The following INVS variants were observed in gnomAD, a reference collection of about 807,000 sequenced individuals.
INVS encodes the protein inversin, also known as inversion of embryo turning homolog.
Under a neutral mutation model 108.8 loss-of-function variants are expected in INVS, and 86 were observed. That is an observed-to-expected ratio of 0.79 (90% confidence interval 0.66 to 0.95). INVS has a LOEUF of 0.95. Among genes scored for constraint, INVS ranks in the 40% least tolerant of loss-of-function variants. The probability of loss-of-function intolerance (pLI) is 0.00; values close to 1 mark genes in which losing one functional copy is unlikely to be tolerated. For synonymous variants in INVS, 455 were observed against 473.5 expected (o/e 0.96, Z 0.51); for missense variants, 1,169 against 1,297.4 (o/e 0.90, Z 1.52).
intron 3 of INVS, among the ~76,000 whole-genome samples, chr9:100,208,376 T>C (rs1355552303): frequency 1.3e-5 from 2 of 152,194 alleles, no homozygotes; most frequent in Non-Finnish European, 2.9e-5. Context: ...CTTTAATGCA[T>C]GGTCTGAATG....
intron 3 of INVS, among the ~76,000 whole-genome samples, chr9:100,157,050 G>A (rs940951460): frequency 1.3e-5 from 2 of 150,490 alleles, no homozygotes; most frequent in African/African-American, 4.9e-5. Context: ...TCATACAGTG[G>A]AATACTTTTT....
intron 13 of INVS, among the ~76,000 whole-genome samples, chr9:100,287,861 C>T (rs1362848504): frequency 6.6e-6 from 1 of 152,122 alleles, no homozygotes; most frequent in Admixed American, 6.5e-5. Flanking sequence ...ACCCCAAAAT[C>T]TCATCCTGAT....
intron 3 of INVS, among the ~76,000 whole-genome samples, chr9:100,216,324 T>A (rs1368574695): frequency 6.6e-6 from 1 of 151,940 alleles, no homozygotes; most frequent in Non-Finnish European, 1.5e-5. Flanking sequence ...GGCTAACTGG[T>A]CATTACCACT....
At chr9:100,153,972 A>T (rs1428368269) in intron 3 of INVS, among the ~76,000 whole-genome samples, 1 of 152,210 alleles carries the variant, frequency 6.6e-6, no homozygotes, top group Non-Finnish European at 1.5e-5. Context: ...AAACCATAGC[A>T]TTGGTATAAC....
intron 3 of INVS, among the ~76,000 whole-genome samples, chr9:100,196,570 G>A (rs991054697): frequency 1.3e-5 from 2 of 151,844 alleles, no homozygotes. Flanking sequence ...TTTCCATGCT[G>A]AGGGGGGCCC....
chr9:100,190,484 C>A (rs7018703), intron 3 of INVS, among the ~76,000 whole-genome samples: 29,365 of 152,062 alleles, frequency 0.19, 4,516 homozygotes, highest in African/African-American at 0.43. Flanking sequence ...TCAAGATGTT[C>A]TATTCTGGTG....
chr9:100,156,365 A>G (rs756432395), intron 3 of INVS, among the ~76,000 whole-genome samples: 5 of 150,250 alleles, frequency 3.3e-5, no homozygotes, highest in African/African-American at 1.2e-4. Context: ...GGTTCAAGCA[A>G]TTCTCCAGCC....
chr9:100,116,107 CT>C (rs200846946), intron 2 of INVS, among the ~76,000 whole-genome samples: 79,569 of 128,410 alleles, frequency 0.62, 24,134 homozygotes, highest in East Asian at 0.87. Context: ...TCTTTTTTTT[CT>C]TTTTTTTTTT....
intron 3 of INVS, among the ~76,000 whole-genome samples, chr9:100,128,425 G>A (rs1310964821): frequency 1.3e-5 from 2 of 152,090 alleles, no homozygotes; most frequent in African/African-American, 2.4e-5. Flanking sequence ...TAATGGATCC[G>A]AATTCCCAGA....
chr9:100,133,796 C>CACACACACACACACACACAT (rs1828129637), intron 3 of INVS, among the ~76,000 whole-genome samples: 1 of 138,368 alleles, frequency 7.2e-6, no homozygotes, highest in African/African-American at 3.0e-5. Flanking sequence ...CACACACACA[C>CACACACACACACACACACAT]ACACACACAT....
At chr9:100,276,475 T>C (rs1833117074) in intron 12 of INVS, among the ~76,000 whole-genome samples, 1 of 152,154 alleles carries the variant, frequency 6.6e-6, no homozygotes, top group Non-Finnish European at 1.5e-5. Flanking sequence ...GCCTTTTGCT[T>C]TCATTCTTCT....
intron 3 of INVS, among the ~76,000 whole-genome samples, chr9:100,180,357 A>T (rs1399302862): frequency 6.6e-6 from 1 of 151,948 alleles, no homozygotes; most frequent in Non-Finnish European, 1.5e-5. Context: ...TTTTTTTAAA[A>T]GATTAACAAC....
chr9:100,296,834 C>T (rs917446078), intron 14 of INVS, 83 bp from the exon 15 acceptor site: 28 of 1,091,874 alleles, frequency 2.6e-5, no homozygotes, highest in Admixed American at 5.8e-5. Flanking sequence ...AATACTACTC[C>T]TATAGCTTCT....
intron 3 of INVS, among the ~76,000 whole-genome samples, chr9:100,194,442 G>A (rs939252635): frequency 2.0e-5 from 3 of 151,048 alleles, no homozygotes; most frequent in East Asian, 1.9e-4. Flanking sequence ...TCTATTAGTC[G>A]TTTCATAGAT....
At chr9:100,191,559 C>T (rs1830220859) in intron 3 of INVS, among the ~76,000 whole-genome samples, 1 of 152,126 alleles carries the variant, frequency 6.6e-6, no homozygotes, top group African/African-American at 2.4e-5. Flanking sequence ...ATATCCATCT[C>T]TAGAAAATTT....
intron 8 of INVS, among the ~76,000 whole-genome samples, chr9:100,248,971 C>T (rs1412465942): frequency 3.7e-5 from 5 of 135,188 alleles, no homozygotes; most frequent in Non-Finnish European, 8.0e-5. Context: ...AACTCCTGGG[C>T]TCAAGCGATC....
At chr9:100,182,094 C>T (rs1281312949) in intron 3 of INVS, among the ~76,000 whole-genome samples, 2 of 152,250 alleles carry the variant, frequency 1.3e-5, no homozygotes, top group Non-Finnish European at 2.9e-5. Context: ...CCCTTCCTTA[C>T]ACCTTATACA....
intron 12 of INVS, among the ~76,000 whole-genome samples, chr9:100,274,400 T>C (rs1833055000): frequency 6.6e-6 from 1 of 152,222 alleles, no homozygotes; most frequent in Non-Finnish European, 1.5e-5. Context: ...ATACTTAGGT[T>C]TGCCTTTTCT....
At chr9:100,259,000 G>A (rs528003954) in intron 10 of INVS, among the ~76,000 whole-genome samples, 1 of 151,936 alleles carries the variant, frequency 6.6e-6, no homozygotes, top group South Asian at 2.1e-4. Context: ...GTTCAGCTAT[G>A]TCCTGCCCCC....
Sources: allele counts gnomAD v4.1 joint callset (sites outside exome capture counted in the v4.1 genomes callset), GRCh38; gene constraint gnomAD v4.1.1; transcripts MANE v1.5; gene names NCBI Gene and HGNC (gene_info 2026-07-23, HGNC 2026-07-21).